Variants in ST3GAL1 observed in about 807,000 individuals in gnomAD.
ST3GAL1 encodes CMP-N-acetylneuraminate-beta-galactosamide-alpha-2,3-sialyltransferase 1.
Under a neutral mutation model 34.1 loss-of-function variants are expected in ST3GAL1, and 16 were observed. That is an observed-to-expected ratio of 0.47 (90% CI 0.32 to 0.71). The LOEUF is 0.71. Ranked by LOEUF, ST3GAL1 falls within the 30% of genes least tolerant of loss-of-function variation. The pLI, the probability that ST3GAL1 is intolerant of heterozygous loss-of-function variation, is 0.04. For missense variants in ST3GAL1, 353 were observed against 447.4 expected, an observed-to-expected ratio of 0.79 and a Z score of 1.90; for synonymous variants, 191 against 184.7, an observed-to-expected ratio of 1.03 and a Z score of -0.28.
intron 2 of ST3GAL1, among the ~76,000 whole-genome samples, chr8:133,523,179 G>A (rs1030860035): frequency 2.0e-5 from 3 of 152,108 alleles, no homozygotes; most frequent in African/African-American, 7.2e-5. Context: ...TGGCTTCTGG[G>A]AGCAGGGGAA....
chr8:133,564,741 G>A (rs1819341976), intron 1 of ST3GAL1, among the ~76,000 whole-genome samples: 1 of 152,142 alleles, frequency 6.6e-6, no homozygotes, highest in Non-Finnish European at 1.5e-5. Flanking sequence ...CATTTGTTGA[G>A]AGACCTTTAC....
intron 9 of ST3GAL1, 137 bp from the exon 10 acceptor site, chr8:133,460,074 T>A: frequency 1.1e-6 from 1 of 875,992 alleles, no homozygotes; most frequent in Non-Finnish European, 1.7e-6. Flanking sequence ...AACCCTTCAT[T>A]AAAAACCCTT....
intron 3 of ST3GAL1, among the ~76,000 whole-genome samples, chr8:133,477,028 G>A (rs1319563355): frequency 1.3e-5 from 2 of 152,178 alleles, no homozygotes; most frequent in African/African-American, 4.8e-5. Flanking sequence ...AGTGGCCCAG[G>A]GTTCCTTTTA....
chr8:133,564,115 A>G (rs994866858), intron 1 of ST3GAL1, among the ~76,000 whole-genome samples: 19 of 152,246 alleles, frequency 1.2e-4, no homozygotes, highest in African/African-American at 4.6e-4. Flanking sequence ...AGGTTTTACA[A>G]CAGCCATCGA....
intron 3 of ST3GAL1, among the ~76,000 whole-genome samples, chr8:133,481,210 G>A (rs1242298483): frequency 6.6e-6 from 1 of 152,254 alleles, no homozygotes; most frequent in African/African-American, 2.4e-5. Context: ...CTCCTTCAGA[G>A]AGGACCGGTT....
chr8:133,511,017 T>C (rs934462963), intron 2 of ST3GAL1, among the ~76,000 whole-genome samples: 9 of 152,240 alleles, frequency 5.9e-5, no homozygotes, highest in Non-Finnish European at 1.2e-4. Context: ...GAAGTGCTTG[T>C]AGCCATAGCA....
At chr8:133,463,608 A>G in intron 7 of ST3GAL1, 149 bp from the exon 8 acceptor site, 1 of 794,180 alleles carries the variant, frequency 1.3e-6, no homozygotes, top group East Asian at 2.6e-5. Flanking sequence ...CCACCTCCCT[A>G]CCCCAGCCGG....
intron 2 of ST3GAL1, among the ~76,000 whole-genome samples, chr8:133,514,479 G>A (rs1817587715): frequency 6.6e-6 from 1 of 152,122 alleles, no homozygotes; most frequent in South Asian, 2.1e-4. Context: ...GGTGAGGGTG[G>A]GCTGGGGTTG....
At chr8:133,565,496 A>C (rs1819367168) in intron 1 of ST3GAL1, among the ~76,000 whole-genome samples, 1 of 152,112 alleles carries the variant, frequency 6.6e-6, no homozygotes, top group African/African-American at 2.4e-5. Context: ...AAATGGGCCC[A>C]GGTGCTACAG....
At chr8:133,559,298 T>C (rs1425323503) in intron 1 of ST3GAL1, among the ~76,000 whole-genome samples, 2 of 152,104 alleles carry the variant, frequency 1.3e-5, no homozygotes, top group Admixed American at 6.5e-5. Context: ...GGTCCAAGGA[T>C]CATGTTTGCT....
At chr8:133,486,258 G>C (rs1783069179) in intron 3 of ST3GAL1, among the ~76,000 whole-genome samples, 1 of 152,242 alleles carries the variant, frequency 6.6e-6, no homozygotes, top group South Asian at 2.1e-4. Flanking sequence ...CTTGCTGTCT[G>C]AGCTGTGGAA....
intron 3 of ST3GAL1, among the ~76,000 whole-genome samples, chr8:133,494,237 G>C (rs1418149297): frequency 6.6e-6 from 1 of 152,134 alleles, no homozygotes; most frequent in African/African-American, 2.4e-5. Flanking sequence ...AGACATGCAG[G>C]CTGAGAGAAT....
At position 133,476,039 on chromosome 8, in the gene ST3GAL1, T is replaced by C. The variant is rs1282443610; in HGVS notation, c.-15A>G. 2 of 1,547,424 alleles carry C rather than the reference T, an allele frequency of 1.3e-6. No homozygotes were observed. The highest frequency in any genetic ancestry group is 1.7e-6 in the Non-Finnish European group (2 of 1,145,798). On this transcript the variant is annotated 5_prime_UTR_variant, in exon 5 of 10. Transcript: ENST00000522652. Reference sequence around the variant, plus strand: ...AGGGTCACCATCTTCGCAGTCCTGATGGTGGCCTCCCACGATGGGTAGCAG... The same window carrying C: ...AGGGTCACCATCTTCGCAGTCCTGACGGTGGCCTCCCACGATGGGTAGCAG...
At position 133,545,634 on chromosome 8, in the gene ST3GAL1, G is replaced by T. The variant is rs1047278401; in HGVS notation, c.-429+140C>A. On this transcript the variant is annotated intron_variant, in intron 2 of 9. Transcript: ENST00000522652. ...AACTCCTCTTAATGGCACGTTTCTG[G>T]GCAAGCAGGACATGTTTCAGAGACC... The T allele has an allele frequency of 2.6e-5, 4 of 152,174 alleles. No homozygotes were observed. The South Asian group carries it at 8.3e-4, about 31-fold the overall frequency. The allele number at this position is 152,174 out of a possible 1,614,324, so 9.4% of individuals were successfully genotyped here.
intron 2 of ST3GAL1, chr8:133,516,306 C>G (rs1563723141): frequency 6.6e-6 from 1 of 152,236 alleles, no homozygotes. Flanking sequence ...TCTTCTGCCA[C>G]AACTTGAAGC....
intron 3 of ST3GAL1, among the ~76,000 whole-genome samples, chr8:133,482,906 A>G (rs889557789): frequency 2.0e-5 from 3 of 151,938 alleles, no homozygotes; most frequent in Non-Finnish European, 2.9e-5. Context: ...AACAGTTGTC[A>G]ACAACAACAA....
intron 1 of ST3GAL1, among the ~76,000 whole-genome samples, chr8:133,558,058 G>A (rs1342605359): frequency 1.3e-5 from 2 of 152,154 alleles, no homozygotes; most frequent in African/African-American, 4.8e-5. Context: ...TAGCTCCTAA[G>A]AGCACCATTC....
intron 2 of ST3GAL1, among the ~76,000 whole-genome samples, chr8:133,538,730 A>G (rs1818379836): frequency 6.6e-6 from 1 of 152,190 alleles, no homozygotes; most frequent in African/African-American, 2.4e-5. Flanking sequence ...TGTGGCTCAA[A>G]TGCATATTAT....
rs375931844 is a variant in ST3GAL1, at chr8:133,487,160, C to T, written c.-373-10560G>A. 5.3e-5 allele frequency among the ~76,000 whole-genome samples: 8 copies of T among 152,180 alleles called. No individual in the cohort carries two copies. The East Asian group carries it at 7.7e-4, about 15-fold the overall frequency. On this transcript the variant is annotated intron_variant, in intron 3 of 9. Transcript: ENST00000522652. ...TTTACTATGTTGGCCAGGCTGGTCTCGAACTCCTGACCTCGTGATCTGCCC... is the reference window on the plus strand; with the variant it reads ...TTTACTATGTTGGCCAGGCTGGTCTTGAACTCCTGACCTCGTGATCTGCCC...
Sources: gnomAD v4.1 joint callset for allele counts (sites outside exome capture counted in the v4.1 genomes callset) on GRCh38, gnomAD v4.1.1 for gene constraint, MANE v1.5 for transcripts, NCBI Gene and HGNC (gene_info 2026-07-23, HGNC 2026-07-21) for gene names.